RMDN2: variants seen among roughly 807,000 people sequenced by gnomAD.
The protein encoded by RMDN2 is regulator of microtubule dynamics 2, also known as regulator of microtubule dynamics protein 2.
RMDN2 carries 61 observed loss-of-function variants against 52.8 expected under a neutral mutation model. The ratio of observed to expected loss-of-function variants is 1.16; its 90% CI spans 0.94 to 1.43. RMDN2 has a LOEUF of 1.43. Ranked by LOEUF, RMDN2 falls within the 40% of genes most tolerant of loss-of-function variation. The pLI, the probability that RMDN2 is intolerant of heterozygous loss-of-function variation, is 0.00. For missense variants in RMDN2, 592 were observed against 475.3 expected (o/e 1.25, Z -2.28); for synonymous variants, 180 against 153.1 (o/e 1.18, Z -1.30).
At chr2:38,007,881 G>A (rs1677348184) in intron 10 of RMDN2, among the ~76,000 whole-genome samples, 1 of 152,050 alleles carries the variant, frequency 6.6e-6, no homozygotes, top group African/African-American at 2.4e-5. Context: ...CTTCGAATGT[G>A]TCCCAGAGAT....
intron 10 of RMDN2, among the ~76,000 whole-genome samples, chr2:38,052,158 C>G (rs746643045): frequency 1.3e-5 from 2 of 152,188 alleles, no homozygotes; most frequent in Non-Finnish European, 2.9e-5. Context: ...ATTCCTTTCT[C>G]TCTACATCCT....
chr2:37,987,241 A>G (rs761180850), intron 5 of RMDN2, among the ~76,000 whole-genome samples: 2 of 151,242 alleles, frequency 1.3e-5, no homozygotes, highest in Admixed American at 6.6e-5. Context: ...ATTGAAATAC[A>G]TAGATGAAAA....
chr2:38,054,546 A>G (rs1367806762), intron 10 of RMDN2, among the ~76,000 whole-genome samples: 2 of 152,244 alleles, frequency 1.3e-5, no homozygotes, highest in Admixed American at 1.3e-4. Flanking sequence ...ATGCATGGTT[A>G]AAGAAAAGAC....
intron 6 of RMDN2, among the ~76,000 whole-genome samples, chr2:37,989,857 T>A (rs996655839): frequency 3.9e-5 from 6 of 152,276 alleles, no homozygotes; most frequent in African/African-American, 1.4e-4. Context: ...AGATTATTAT[T>A]AGTTGGCCGG....
At chr2:37,926,555 ATAT>A (rs1188611558) in intron 1 of RMDN2, among the ~76,000 whole-genome samples, 1 of 152,118 alleles carries the variant, frequency 6.6e-6, no homozygotes, top group Non-Finnish European at 1.5e-5. Flanking sequence ...GATTATTAAA[ATAT>A]TAGAGTTTTA....
chr2:38,056,601 C>T lies in RMDN2; in HGVS notation c.1714-10381C>T, dbSNP rs1187973469. Among the ~76,000 whole-genome samples the T allele has an allele frequency of 2.0e-5, 3 of 152,150 alleles. No individual in the cohort carries two copies. The East Asian group carries it at 5.8e-4, about 29-fold the overall frequency. ...TATATTACACTTGATTTACTGTGCT[C>T]AGCATGTAAGAACATATAATAATTC... On this transcript the variant is annotated intron_variant, in intron 10 of 10. Transcript: ENST00000234195.
intron 5 of RMDN2, among the ~76,000 whole-genome samples, chr2:37,983,837 A>G (rs1217305646): frequency 6.6e-6 from 1 of 152,238 alleles, no homozygotes; most frequent in Non-Finnish European, 1.5e-5. Flanking sequence ...ATTCTCATTC[A>G]TTCAGCATGA....
chr2:37,943,335 C>G (rs1667959238), intron 2 of RMDN2, among the ~76,000 whole-genome samples: 1 of 152,128 alleles, frequency 6.6e-6, no homozygotes, highest in Non-Finnish European at 1.5e-5. Context: ...ACCAAGGTGT[C>G]ACAGAAACCA....
intron 10 of RMDN2, among the ~76,000 whole-genome samples, chr2:38,053,401 C>G (rs1255018351): frequency 1.3e-5 from 2 of 152,174 alleles, no homozygotes; most frequent in Non-Finnish European, 2.9e-5. Flanking sequence ...CACACATTAT[C>G]TACCATATGT....
At chr2:37,986,794 G>A (rs779172289) in intron 5 of RMDN2, among the ~76,000 whole-genome samples, 40 of 151,864 alleles carry the variant, frequency 2.6e-4, no homozygotes, top group Admixed American at 4.6e-4. Flanking sequence ...ACTTTATCAA[G>A]TTGAGGAAAA....
chr2:37,979,684 A>G (rs900604944), intron 4 of RMDN2, among the ~76,000 whole-genome samples: 3 of 152,198 alleles, frequency 2.0e-5, no homozygotes, highest in African/African-American at 7.2e-5. Flanking sequence ...ACAGTTCTCT[A>G]AAGGAAATAG....
intron 10 of RMDN2, among the ~76,000 whole-genome samples, chr2:38,063,695 C>G (rs1009191113): frequency 6.6e-6 from 1 of 152,002 alleles, no homozygotes; most frequent in African/African-American, 2.4e-5. Flanking sequence ...TGAACTCAAA[C>G]AAATTTACAA....
rs1161930082 is a variant in RMDN2 at position 38,000,746 on chromosome 2, T to G, written c.1044+3232T>G. 1.1e-4 allele frequency among the ~76,000 whole-genome samples: 17 copies of G among 152,366 alleles called. 1 individual carries two copies. In the East Asian group the frequency reaches 3.3e-3, roughly 29 times the overall value. On this transcript the variant is annotated intron_variant, in intron 8 of 10. Coordinates refer to ENST00000354545, the MANE Select transcript of RMDN2 (RefSeq NM_001170791.3). ...ATAATTTGTTTATGTGTTAACTTAC[T>G]GATAGACATTTGAGTTGTTTCTGGT...
At chr2:38,034,195 G>T (rs1220272069) in intron 10 of RMDN2, among the ~76,000 whole-genome samples, 3 of 152,196 alleles carry the variant, frequency 2.0e-5, no homozygotes, top group Non-Finnish European at 4.4e-5. Flanking sequence ...GCCTGTAGAT[G>T]TGTCAGCTCT....
chr2:37,983,515 C>T (rs1380291479), intron 5 of RMDN2, among the ~76,000 whole-genome samples: 1 of 152,048 alleles, frequency 6.6e-6, no homozygotes, highest in African/African-American at 2.4e-5. Context: ...ATTTCTTATT[C>T]AGTATCAGTT....
intron 2 of RMDN2, among the ~76,000 whole-genome samples, chr2:37,932,064 T>A (rs938156773): frequency 8.5e-5 from 13 of 152,176 alleles, no homozygotes; most frequent in Admixed American, 3.3e-4. Context: ...TTATTTATTT[T>A]ATTTATTTAT....
chr2:38,034,043 G>T (rs1034964124), intron 10 of RMDN2, among the ~76,000 whole-genome samples: 1 of 152,222 alleles, frequency 6.6e-6, no homozygotes, highest in Non-Finnish European at 1.5e-5. Context: ...TAACTACAAA[G>T]AATATTAGTG....
At chr2:37,986,628 G>GA (rs1674054789) in intron 5 of RMDN2, among the ~76,000 whole-genome samples, 2 of 152,050 alleles carry the variant, frequency 1.3e-5, no homozygotes. Flanking sequence ...TTCAACATTT[G>GA]AAAATCAATT....
intron 7 of RMDN2, among the ~76,000 whole-genome samples, chr2:37,996,025 G>C (rs1675487000): frequency 6.6e-6 from 1 of 152,122 alleles, no homozygotes; most frequent in South Asian, 2.1e-4. Context: ...TTGACTGTTT[G>C]CCTGCCATGT....
Sources: gnomAD v4.1 joint callset for allele counts (sites outside exome capture counted in the v4.1 genomes callset) on GRCh38, gnomAD v4.1.1 for gene constraint, MANE v1.5 for transcripts, NCBI Gene and HGNC (gene_info 2026-07-23, HGNC 2026-07-21) for gene names.